The following MAML3 variants were observed in gnomAD, a reference collection of about 807,000 sequenced individuals.
MAML3 encodes mastermind like transcriptional coactivator 3, also known as mastermind-like protein 3.
In MAML3, 27 loss-of-function variants were observed where a neutral mutation model predicts 101.9. That is an observed-to-expected ratio of 0.27 (90% CI 0.20 to 0.37). The LOEUF is 0.37. Among genes scored for constraint, MAML3 ranks in the 10% least tolerant of loss-of-function variants. The probability of loss-of-function intolerance (pLI) is 1.00; values close to 1 mark genes in which losing one functional copy is unlikely to be tolerated. For missense variants in MAML3, 1,316 were observed against 1,444.9 expected (o/e 0.91, Z 1.45); for synonymous variants, 501 against 555.9 (o/e 0.90, Z 1.39).
At position 139,890,052 on chromosome 4, in the gene MAML3, T is replaced by C. The variant is rs746812754; in HGVS notation, c.1384A>G (p.Met462Val). 6.2e-7 allele frequency: 1 copy of C among 1,608,860 alleles called. No individual in the cohort carries two copies. The highest frequency in any genetic ancestry group is 8.5e-7 in the Non-Finnish European group (1 of 1,177,338). The change falls in exon 2 of 5, where the codon ATG becomes GTG. Residue 462 changes from methionine to valine, a missense_variant. By Grantham distance (21) the Met-to-Val change is conservative (BLOSUM62 1). Coordinates refer to ENST00000509479, the MANE Select transcript of MAML3 (RefSeq NM_018717.5). This position sits in a 1 kb window ranked among gnomAD's most constrained non-coding sequence, Gnocchi z 4.1. Reference protein sequence around the residue: ...SGPVAVPSSDMSPAEQLKQMA... With the variant: ...SGPVAVPSSDVSPAEQLKQMA... ...TGTTTGAGCTGTTCTGCTGGAGACA[T>C]GTCAGAGCTGGGCACAGCCACAGGC...
At chr4:140,018,021 A>G (rs1001851901) in intron 1 of MAML3, among the ~76,000 whole-genome samples, 2 of 152,168 alleles carry the variant, frequency 1.3e-5, no homozygotes, top group African/African-American at 4.8e-5. Context: ...TAAAAATACA[A>G]AAAGGAATGA....
intron 2 of MAML3, among the ~76,000 whole-genome samples, chr4:139,825,704 C>G (rs2111127210): frequency 6.6e-6 from 1 of 151,612 alleles, no homozygotes; most frequent in Admixed American, 6.6e-5. Context: ...CAAAACACAT[C>G]AACATCTCTC....
rs917494906 is a variant in MAML3, at chr4:139,761,305, A to G, written c.2080-30638T>C. 3.9e-5 allele frequency among the ~76,000 whole-genome samples: 6 copies of G among 152,188 alleles called. 1 individual carries two copies. Among genetic ancestry groups the G allele is most frequent in the Non-Finnish European group, 7.3e-5 (5 of 68,028 alleles). On this transcript the variant is annotated intron_variant, in intron 2 of 4. Transcript: ENST00000509479. ...AGTCTTCAGCCAAGTTTGTTTAACA[A>G]AAGGGAAAACTTTTCGACAGAATGG...
intron 1 of MAML3, among the ~76,000 whole-genome samples, chr4:140,074,207 A>AAGAAAGAAAGAGAGAGAGAGAAAGAAAG (rs1560885502): frequency 8.1e-6 from 1 of 123,356 alleles, no homozygotes; most frequent in Non-Finnish European, 1.8e-5. Flanking sequence ...AAGAGAAAGA[A>AAGAAAGAAAGAGAGAGAGAGAAAGAAAG]AGAAAGAAAG....
At chr4:139,804,303 A>T (rs892263623) in intron 2 of MAML3, among the ~76,000 whole-genome samples, 1 of 150,416 alleles carries the variant, frequency 6.6e-6, no homozygotes, top group African/African-American at 2.5e-5. Flanking sequence ...TTTTGCTCTC[A>T]TCACCCAGGC....
chr4:139,909,084 A>G (rs1272352820), intron 1 of MAML3, among the ~76,000 whole-genome samples: 5 of 152,212 alleles, frequency 3.3e-5, no homozygotes, highest in Non-Finnish European at 7.4e-5. Flanking sequence ...GGCTTAGCAT[A>G]GGACTCCTGC....
At chr4:139,983,856 T>A (rs546389750) in intron 1 of MAML3, among the ~76,000 whole-genome samples, 6 of 152,226 alleles carry the variant, frequency 3.9e-5, no homozygotes, top group African/African-American at 1.4e-4. Context: ...CAAGAGGGAA[T>A]GGTCAGCACC....
rs58015886 is a variant in MAML3 at position 139,889,909 on chromosome 4, T to TTGCTGCTGCTGCTGC, written c.1512_1526dup (p.Gln506_Gln510dup). On this transcript the variant is annotated inframe_insertion, in exon 2 of 5. Transcript: ENST00000509479. The stretch of plus-strand genomic sequence containing the variant: ...AATTTGAAGTCTGATTTGAGTGCTG[T>TTGCTGCTGCTGCTGC]TGCTGCTGCTGCTGCTGCTGCTGCT... 31 of 1,476,562 alleles carry TTGCTGCTGCTGCTGC rather than the reference T, an allele frequency of 2.1e-5. No homozygotes were observed. Among genetic ancestry groups the TTGCTGCTGCTGCTGC allele is most frequent in the Middle Eastern group, 3.5e-4 (2 of 5,686 alleles). The allele number at this position is 1,476,562 out of a possible 1,614,324, so 91.5% of individuals were successfully genotyped here. A position where few individuals can be genotyped will look rare whatever the true frequency, so the allele number is the denominator to read the frequency against.
chr4:139,858,233 C>T (rs925444581), intron 2 of MAML3, among the ~76,000 whole-genome samples: 1 of 152,212 alleles, frequency 6.6e-6, no homozygotes, highest in African/African-American at 2.4e-5. Flanking sequence ...GTGTGCTTTA[C>T]ACTGATTCAT....
chr4:139,931,224 G>T (rs1290651935), intron 1 of MAML3, among the ~76,000 whole-genome samples: 1 of 152,084 alleles, frequency 6.6e-6, no homozygotes, highest in African/African-American at 2.4e-5. Context: ...CAAGTCCCAG[G>T]CGCCACACAG....
At chr4:140,021,225 G>C (rs1198061425) in intron 1 of MAML3, among the ~76,000 whole-genome samples, 1 of 152,146 alleles carries the variant, frequency 6.6e-6, no homozygotes, top group Non-Finnish European at 1.5e-5. Context: ...CTGAATCCCA[G>C]TTTAACCATT....
chr4:139,798,352 T>G (rs1228251461), intron 2 of MAML3, among the ~76,000 whole-genome samples: 1 of 152,198 alleles, frequency 6.6e-6, no homozygotes, highest in Non-Finnish European at 1.5e-5. Context: ...ATGGTCGAAC[T>G]CAACCCAAAC....
At chr4:140,005,989 G>A (rs1336190120) in intron 1 of MAML3, among the ~76,000 whole-genome samples, 1 of 152,158 alleles carries the variant, frequency 6.6e-6, no homozygotes, top group African/African-American at 2.4e-5. Flanking sequence ...CAGTTTTAAA[G>A]CACCAGGTGG....
chr4:140,027,125 G>A (rs138956050), intron 1 of MAML3, among the ~76,000 whole-genome samples: 2,903 of 151,280 alleles, frequency 0.019, 112 homozygotes, highest in African/African-American at 0.068. Context: ...CCAATGTCCC[G>A]ACTCTATTAT....
chr4:139,762,985 G>A (rs1275990561), intron 2 of MAML3, among the ~76,000 whole-genome samples: 1 of 152,118 alleles, frequency 6.6e-6, no homozygotes, highest in Non-Finnish European at 1.5e-5. Context: ...TTGGCACAGT[G>A]TCTTCCTGGT....
intron 1 of MAML3, among the ~76,000 whole-genome samples, chr4:139,899,728 T>TA (rs1480051898): frequency 6.6e-6 from 1 of 152,236 alleles, no homozygotes; most frequent in Non-Finnish European, 1.5e-5. Context: ...CTCCTAACAT[T>TA]ACTTAGACAG....
chr4:140,145,862 C>CTTTTTTTT (rs1263462765), intron 1 of MAML3, among the ~76,000 whole-genome samples: 28 of 46,412 alleles, frequency 6.0e-4, no homozygotes, highest in Middle Eastern at 0.016. Flanking sequence ...TGCGCCTGGC[C>CTTTTTTTT]TTTTTTTTCT....
chr4:139,996,649 C>A (rs1452543875), intron 1 of MAML3, among the ~76,000 whole-genome samples: 2 of 150,622 alleles, frequency 1.3e-5, no homozygotes, highest in African/African-American at 4.9e-5. Flanking sequence ...TGTTTTGAGT[C>A]AAAAGTAACG....
At chr4:140,130,494 C>T (rs1728773817) in intron 1 of MAML3, among the ~76,000 whole-genome samples, 1 of 152,192 alleles carries the variant, frequency 6.6e-6, no homozygotes, top group Non-Finnish European at 1.5e-5. Context: ...AAGGCCTGAA[C>T]ACTGCAGCTT....
Sources: gnomAD v4.1 joint callset for allele counts (sites outside exome capture counted in the v4.1 genomes callset) on GRCh38, gnomAD v4.1.1 for gene constraint, Gnocchi (gnomAD v3.1) non-coding constraint, MANE v1.5 for transcripts, NCBI Gene and HGNC (gene_info 2026-07-23, HGNC 2026-07-21) for gene names.